The following COA1 variants were observed in gnomAD, a reference collection of about 807,000 sequenced individuals.
COA1 encodes cytochrome c oxidase assembly factor 1.
COA1 carries 13 observed loss-of-function variants against 16.0 expected under a neutral mutation model. The ratio of observed to expected loss-of-function variants is 0.81; its 90% CI spans 0.53 to 1.29. The LOEUF is 1.29. COA1 is among the 50% of genes most tolerant of loss of function. COA1 has a pLI of 0.00. For synonymous variants in COA1, 65 were observed against 65.7 expected, an observed-to-expected ratio of 0.99 and a Z score of 0.05; for missense variants, 179 against 177.0, an observed-to-expected ratio of 1.01 and a Z score of -0.06.
chr7:43,639,531 A>C lies in COA1; in HGVS notation c.*51T>G. On this transcript the variant is annotated 3_prime_UTR_variant, in exon 6 of 6. Transcript: ENST00000223336. ...GCCACCACCCCAGTGGCCATATGGT[A>C]GAGATGAGGGAAGGATGGACTAGAA... 4 of 1,460,328 alleles carry C rather than the reference A, an allele frequency of 2.7e-6. No individual in the cohort carries two copies. Among genetic ancestry groups the C allele is most frequent in the African/African-American group, 1.4e-5 (1 of 71,892 alleles). The allele number at this position is 1,460,328 out of a possible 1,614,324, so 90.5% of individuals were successfully genotyped here.
intron 1 of COA1, among the ~76,000 whole-genome samples, chr7:43,725,710 T>C (rs2095603431): frequency 6.6e-6 from 1 of 151,690 alleles, no homozygotes; most frequent in Non-Finnish European, 1.5e-5. Context: ...AACAAAAAAA[T>C]TAGCTGGGCA....
chr7:43,670,267 G>A (rs2093174031), intron 1 of COA1, among the ~76,000 whole-genome samples: 1 of 152,036 alleles, frequency 6.6e-6, no homozygotes, highest in Non-Finnish European at 1.5e-5. Context: ...TGGCCAACAT[G>A]GTGAAACATG....
chr7:43,665,153 A>G (rs2092793631), intron 1 of COA1, among the ~76,000 whole-genome samples: 1 of 152,236 alleles, frequency 6.6e-6, no homozygotes, highest in Non-Finnish European at 1.5e-5. Flanking sequence ...TTCATCCACT[A>G]TAACACCGTT....
At chr7:43,712,368 C>T (rs900546545) in intron 1 of COA1, among the ~76,000 whole-genome samples, 4 of 152,104 alleles carry the variant, frequency 2.6e-5, no homozygotes, top group Admixed American at 6.6e-5. Flanking sequence ...CTGCCTCGGC[C>T]CCACAAAGTG....
At chr7:43,613,662 G>GTGA (rs1356366333) in intron 6 of COA1, among the ~76,000 whole-genome samples, 2 of 152,010 alleles carry the variant, frequency 1.3e-5, no homozygotes, top group Non-Finnish European at 2.9e-5. Flanking sequence ...AGGCAACATA[G>GTGA]TGAGACCTCA....
intron 1 of COA1, among the ~76,000 whole-genome samples, chr7:43,729,120 T>C (rs951636181): frequency 6.6e-6 from 1 of 152,226 alleles, no homozygotes; most frequent in African/African-American, 2.4e-5. Flanking sequence ...TCCCAACTCT[T>C]CGAGAGGACC....
chr7:43,703,653 A>G (rs1436399423), intron 1 of COA1, among the ~76,000 whole-genome samples: 1 of 152,192 alleles, frequency 6.6e-6, no homozygotes, highest in Admixed American at 6.5e-5. Context: ...AAATAAAAAT[A>G]GCAATCCCTG....
intron 1 of COA1, among the ~76,000 whole-genome samples, chr7:43,652,492 T>C (rs1473633301): frequency 2.0e-5 from 3 of 152,242 alleles, no homozygotes; most frequent in Non-Finnish European, 4.4e-5. Flanking sequence ...AACTTGCTTA[T>C]GGTCATGCAG....
chr7:43,694,308 C>T (rs1311869526), intron 1 of COA1, among the ~76,000 whole-genome samples: 2 of 151,200 alleles, frequency 1.3e-5, no homozygotes, highest in Non-Finnish European at 2.9e-5. Flanking sequence ...CAGCAATGGT[C>T]CCATTTCTCT....
intron 6 of COA1, among the ~76,000 whole-genome samples, chr7:43,615,747 T>A (rs1332781582): frequency 6.6e-6 from 1 of 152,200 alleles, no homozygotes; most frequent in African/African-American, 2.4e-5. Flanking sequence ...CACACAGGAT[T>A]TCCTGCAGAT....
intron 1 of COA1, among the ~76,000 whole-genome samples, chr7:43,662,052 T>G (rs1381677812): frequency 6.6e-6 from 1 of 152,262 alleles, no homozygotes; most frequent in Non-Finnish European, 1.5e-5. Context: ...AAAGGTTTAC[T>G]GATCAGCCTT....
At chr7:43,689,382 G>A (rs551572119) in intron 1 of COA1, among the ~76,000 whole-genome samples, 1 of 152,288 alleles carries the variant, frequency 6.6e-6, no homozygotes, top group African/African-American at 2.4e-5. Flanking sequence ...GGAGAATCTT[G>A]CTGGCATTCA....
At chr7:43,654,862 A>C (rs1197665583) in intron 1 of COA1, among the ~76,000 whole-genome samples, 1 of 152,246 alleles carries the variant, frequency 6.6e-6, no homozygotes, top group African/African-American at 2.4e-5. Flanking sequence ...AGGATGACAT[A>C]TTGGAGTAGC....
intron 1 of COA1, among the ~76,000 whole-genome samples, 182 bp downstream of exon 1, chr7:43,729,247 T>G (rs1305290784): frequency 6.6e-6 from 1 of 152,172 alleles, no homozygotes. Context: ...GGTTACCAGG[T>G]GCCAAAGAAG....
chr7:43,686,828 G>A (rs1482156717), intron 1 of COA1, among the ~76,000 whole-genome samples: 1 of 152,140 alleles, frequency 6.6e-6, no homozygotes, highest in East Asian at 1.9e-4. Flanking sequence ...CTCTGTATAT[G>A]GTACTACCCT....
intron 1 of COA1, among the ~76,000 whole-genome samples, chr7:43,716,264 G>T (rs1585426844): frequency 6.6e-6 from 1 of 152,188 alleles, no homozygotes; most frequent in Non-Finnish European, 1.5e-5. Context: ...AATGTGGGAA[G>T]GTTTGGAACT....
chr7:43,706,294 T>C (rs1266321568), intron 1 of COA1, among the ~76,000 whole-genome samples: 3 of 152,088 alleles, frequency 2.0e-5, no homozygotes, highest in Non-Finnish European at 1.5e-5. Flanking sequence ...TCCCAGTACT[T>C]TGGGAGGCTG....
chr7:43,689,920 G>A (rs992302577), intron 1 of COA1, among the ~76,000 whole-genome samples: 4 of 152,014 alleles, frequency 2.6e-5, no homozygotes, highest in African/African-American at 7.3e-5. Context: ...CAATAATGGA[G>A]ATAAAATGAA....
intron 1 of COA1, among the ~76,000 whole-genome samples, chr7:43,722,633 T>C (rs849169): frequency 0.83 from 125,594 of 151,736 alleles, 52,337 homozygotes; most frequent in African/African-American, 0.94. Context: ...GAACTCCTGA[T>C]CTCAAGTGAT....
Sources: gnomAD v4.1 joint callset for allele counts (sites outside exome capture counted in the v4.1 genomes callset) on GRCh38, gnomAD v4.1.1 for gene constraint, MANE v1.5 for transcripts, NCBI Gene and HGNC (gene_info 2026-07-23, HGNC 2026-07-21) for gene names.